Variants in RIC3 observed in about 807,000 individuals in gnomAD.
RIC3 encodes the protein RIC3 acetylcholine receptor chaperone.
Under a neutral mutation model 27.3 loss-of-function variants are expected in RIC3, and 28 were observed. That is an observed-to-expected ratio of 1.02 (90% CI 0.76 to 1.41). The LOEUF is 1.41. RIC3 is among the 40% of genes most tolerant of loss of function. The probability of loss-of-function intolerance (pLI) is 0.00; values close to 1 mark genes in which losing one functional copy is unlikely to be tolerated. For synonymous variants in RIC3, 184 were observed against 160.4 expected, an observed-to-expected ratio of 1.15 and a Z score of -1.11; for missense variants, 501 against 444.7, an observed-to-expected ratio of 1.13 and a Z score of -1.14.
chr11:8,139,812 C>T (rs1948839704), intron 2 of RIC3, 155 bp downstream of exon 2: 2 of 671,582 alleles, frequency 3.0e-6, no homozygotes, highest in Non-Finnish European at 4.9e-6. Flanking sequence ...GAAATAATGG[C>T]TATCCTAAGT....
intron 4 of RIC3, among the ~76,000 whole-genome samples, chr11:8,134,466 G>C (rs1410712329): frequency 6.6e-6 from 1 of 152,210 alleles, no homozygotes. Context: ...ATGTGTGCAT[G>C]TGTCTTTATA....
chr11:8,109,207 T>A lies in RIC3; in HGVS notation c.*1491A>T, dbSNP rs549472005. 2 of 152,368 alleles carry A rather than the reference T, an allele frequency of 1.3e-5. No homozygotes were observed. The highest frequency in any genetic ancestry group is 4.1e-4 in the South Asian group (2 of 4,832). The allele number at this position is 152,368 out of a possible 1,614,324, so 9.4% of individuals were successfully genotyped here. A position where few individuals can be genotyped will look rare whatever the true frequency, so the allele number is the denominator to read the frequency against. ...CAGTCTGTATGCTGATGTATAATTT[T>A]AAACTGTTTTCCTGGCACCTTATTC... On this transcript the variant is annotated 3_prime_UTR_variant, in exon 6 of 6. Coordinates refer to ENST00000309737, the MANE Select transcript of RIC3 (RefSeq NM_001206671.4).
At chr11:8,151,806 C>G (rs1051011557) in intron 1 of RIC3, among the ~76,000 whole-genome samples, 12 of 150,728 alleles carry the variant, frequency 8.0e-5, no homozygotes, top group African/African-American at 2.9e-4. Context: ...ATTCCAGCTA[C>G]TTGGGAGGCT....
intron 1 of RIC3, among the ~76,000 whole-genome samples, chr11:8,167,581 G>A (rs988932510): frequency 6.7e-6 from 1 of 149,202 alleles, no homozygotes; most frequent in Non-Finnish European, 1.5e-5. Flanking sequence ...ACGTTCAGAA[G>A]AGTGTCTCCC....
At chr11:8,095,594 C>G in the RIC3 span, 1 of 1,612,822 alleles carries the variant, frequency 6.2e-7, no homozygotes, top group African/African-American at 1.3e-5. Context: ...GCCCAGGACG[C>G]AGGGGAGACG....
intron 2 of RIC3, 32 bp from the exon 3 acceptor site, chr11:8,138,379 A>C: frequency 6.9e-7 from 1 of 1,447,012 alleles, no homozygotes; most frequent in Non-Finnish European, 9.7e-7. Context: ...GCACATCAAC[A>C]GCAGCTCAGA....
intron 2 of RIC3, 88 bp from the exon 3 acceptor site, chr11:8,138,435 G>T: frequency 1.3e-6 from 1 of 769,172 alleles, no homozygotes; most frequent in Non-Finnish European, 2.1e-6. Flanking sequence ...AAAAAGGTTG[G>T]GAAACAAAAA....
rs1209978237 is a variant in RIC3 at position 8,107,127 on chromosome 11, G to A, written c.*3571C>T. ...TAAAAAAAGGGAAATAAAGGAAAAG[G>A]AAGCACATTTTAGAAAAGTCAATGG... On this transcript the variant is annotated 3_prime_UTR_variant, in exon 6 of 6. Coordinates refer to ENST00000309737, the MANE Select transcript of RIC3 (RefSeq NM_001206671.4). 6.6e-6 allele frequency: 1 copy of A among 152,218 alleles called. No individual in the cohort carries two copies. Among genetic ancestry groups the A allele is most frequent in the Non-Finnish European group, 1.5e-5 (1 of 68,028 alleles). 9.4% of individuals were successfully genotyped at this position (152,218 alleles called of 1,614,324 possible).
chr11:8,114,258 A>G (rs920112083), intron 5 of RIC3, among the ~76,000 whole-genome samples: 1 of 152,200 alleles, frequency 6.6e-6, no homozygotes, highest in Non-Finnish European at 1.5e-5. Context: ...ACAATCAAGG[A>G]AACATGTTGC....
chr11:8,105,998 A>G (rs1333207983), downstream of RIC3: 1 of 151,812 alleles, frequency 6.6e-6, no homozygotes, highest in Non-Finnish European at 1.5e-5. Context: ...GTCTTTTCCT[A>G]TTTTGGAGTG....
intron 1 of RIC3, among the ~76,000 whole-genome samples, chr11:8,150,237 T>C (rs1590322998): frequency 6.6e-6 from 1 of 152,214 alleles, no homozygotes. Context: ...ACCCTGAAGG[T>C]TGTAACCCTT....
chr11:8,150,281 T>C (rs1000902185), intron 1 of RIC3, among the ~76,000 whole-genome samples: 1 of 152,184 alleles, frequency 6.6e-6, no homozygotes, highest in Non-Finnish European at 1.5e-5. Context: ...CTCTTCTCAA[T>C]TTATAAATCA....
chr11:8,100,870 G>GA, the RIC3 span: 1 of 1,614,166 alleles, frequency 6.2e-7, no homozygotes, highest in Non-Finnish European at 8.5e-7. Context: ...AGAACACGGA[G>GA]AGTATCATCG....
chr11:8,137,383 A>C lies in RIC3; in HGVS notation c.516T>G (p.Gly172=). Residue 172 remains glycine, a synonymous_variant, in exon 4 of 6, where the codon GGT becomes GGG. Transcript: ENST00000309737. ...EKLINRVGPN[G]ESRAQTVTSD... The stretch of plus-strand genomic sequence containing the variant: ...CCCGTTACATGAAAACCTACCTCTC[A>C]CCATTAGGTCCCACTCTGTTGATTA... 1.2e-6 allele frequency: 2 copies of C among 1,612,866 alleles called. No individual in the cohort carries two copies. Among genetic ancestry groups the C allele is most frequent in the Non-Finnish European group, 8.5e-7 (1 of 1,179,140 alleles).
rs897788360 is a variant in RIC3, at chr11:8,168,597, C to T, written c.124+269G>A. Among the ~76,000 whole-genome samples, 4 of 152,166 alleles carry T rather than the reference C, an allele frequency of 2.6e-5. No homozygotes were observed. In the East Asian group the frequency reaches 7.7e-4, roughly 29 times the overall value. ...TAAGAGAGAAGGGACTGCGCCTAAACGGGAGTACGCAAGGCCACCTAGAGG... is the reference window on the plus strand; with the variant it reads ...TAAGAGAGAAGGGACTGCGCCTAAATGGGAGTACGCAAGGCCACCTAGAGG... On this transcript the variant is annotated intron_variant, in intron 1 of 5. Coordinates refer to ENST00000309737, the MANE Select transcript of RIC3 (RefSeq NM_001206671.4).
At position 8,107,646 on chromosome 11, in the gene RIC3, C is replaced by T. The variant is rs1339440530; in HGVS notation, c.*3052G>A. The T allele has an allele frequency of 1.3e-5, 2 of 151,684 alleles. No homozygotes were observed. The highest frequency in any genetic ancestry group is 3.0e-5 in the Non-Finnish European group (2 of 67,638). The allele number at this position is 151,684 out of a possible 1,614,324, so 9.4% of individuals were successfully genotyped here. A position where few individuals can be genotyped will look rare whatever the true frequency, so the allele number is the denominator to read the frequency against. The stretch of plus-strand genomic sequence containing the variant: ...ATTCTACAGGCCAAATACACCTCCA[C>T]TCCTCATCACGACTCCCTGGGCCCA... On this transcript the variant is annotated 3_prime_UTR_variant, in exon 6 of 6. Transcript: ENST00000309737.
intron 5 of RIC3, among the ~76,000 whole-genome samples, chr11:8,123,308 T>C (rs1256128869): frequency 6.6e-6 from 1 of 151,394 alleles, no homozygotes; most frequent in African/African-American, 2.4e-5. Context: ...ATTAATAAAA[T>C]AATGGCCAAA....
chr11:8,096,699 A>T, the RIC3 span: 1 of 1,610,200 alleles, frequency 6.2e-7, no homozygotes, highest in Non-Finnish European at 8.5e-7. Context: ...CTCCAGCAGC[A>T]TGAGCTTTGA....
At chr11:8,094,004 T>C in the RIC3 span, 1 of 1,613,684 alleles carries the variant, frequency 6.2e-7, no homozygotes, top group Admixed American at 1.7e-5. Context: ...TCTCACCCAC[T>C]GCCTGTTTCT....
Sources: allele counts gnomAD v4.1 joint callset (sites outside exome capture counted in the v4.1 genomes callset), GRCh38; gene constraint gnomAD v4.1.1; transcripts MANE v1.5; gene names NCBI Gene and HGNC (gene_info 2026-07-23, HGNC 2026-07-21).